Variants in NFRKB observed in about 807,000 individuals in gnomAD.
NFRKB encodes the protein nuclear factor related to kappaB binding protein, also known as nuclear factor related to kappa-B-binding protein.
NFRKB carries 62 observed loss-of-function variants against 135.7 expected under a neutral mutation model. The observed-to-expected ratio is 0.46, with a 90% CI of 0.37 to 0.56. The LOEUF (loss-of-function observed/expected upper bound fraction) is 0.56. NFRKB is among the 20% of genes least tolerant of loss of function. NFRKB has a pLI of 0.00. For missense variants in NFRKB, 1,545 were observed against 1,662.0 expected (o/e 0.93, Z 1.22); for synonymous variants, 678 against 635.6 (o/e 1.07, Z -1.00).
rs1231998534 is a variant in NFRKB, at chr11:129,881,269, C to G, written c.1384+174G>C. On this transcript the variant is annotated intron_variant, in intron 13 of 26. Coordinates refer to ENST00000682444, the MANE Select transcript of NFRKB (RefSeq NM_001143835.2). Reference sequence around the variant, plus strand: ...TGGTCCAACCAGAGGAGTTAGTTAACCCACCTTGAGAGTACAAAAAGGGTG... The same window carrying G: ...TGGTCCAACCAGAGGAGTTAGTTAAGCCACCTTGAGAGTACAAAAAGGGTG... Among the ~76,000 whole-genome samples, 3 of 152,166 alleles carry G rather than the reference C, an allele frequency of 2.0e-5. No homozygotes were observed. The East Asian group carries it at 5.8e-4, about 29-fold the overall frequency.
intron 2 of NFRKB, 120 bp from the exon 3 acceptor site, chr11:129,892,990 C>G: frequency 6.5e-7 from 1 of 1,546,336 alleles, no homozygotes; most frequent in Non-Finnish European, 8.7e-7. Context: ...ATCCTTGCAC[C>G]CTAATTACAG....
chr11:129,885,325 CAA>C, intron 6 of NFRKB, 108 bp downstream of exon 6: 1 of 1,288,016 alleles, frequency 7.8e-7, no homozygotes, highest in African/African-American at 1.5e-5. Flanking sequence ...CCAGACAACT[CAA>C]GAGGGTTTCT....
chr11:129,878,220 T>C (rs1182024887), intron 15 of NFRKB, 89 bp downstream of exon 15: 8 of 1,395,950 alleles, frequency 5.7e-6, no homozygotes, highest in Non-Finnish European at 8.0e-6. Flanking sequence ...ATTACAGCTC[T>C]AGCATACCAA....
rs778718392 is a variant in NFRKB, at chr11:129,881,431, C to A, written c.1384+12G>T. ...CGAAAACCTGTTGGGGTAGGTAATA[C>A]GGATCACTTACCAAGCAACTTCCAC... On this transcript the variant is annotated intron_variant, in intron 13 of 26. Transcript: ENST00000682444. 1.2e-6 allele frequency: 2 copies of A among 1,613,558 alleles called. No individual in the cohort carries two copies. Among genetic ancestry groups the A allele is most frequent in the Non-Finnish European group, 8.5e-7 (1 of 1,179,554 alleles).
rs1949048887 is a variant in NFRKB, at chr11:129,881,964, A to C, written c.1192-111T>G. The C allele has an allele frequency of 4.0e-6, 6 of 1,491,904 alleles. No homozygotes were observed. In the Admixed American group the frequency reaches 6.9e-5, roughly 17 times the overall value. 92.4% of individuals were successfully genotyped at this position (1,491,904 alleles called of 1,614,324 possible). A position where few individuals can be genotyped will look rare whatever the true frequency, so the allele number is the denominator to read the frequency against. On this transcript the variant is annotated intron_variant, in intron 11 of 26. Transcript: ENST00000682444. ...TGCATCCGGTGTTTGTCCGAATCAC[A>C]AAGCAAGTTAACTACAGAGCGTTGA...
chr11:129,887,995 C>A (rs1463077076), intron 4 of NFRKB, among the ~76,000 whole-genome samples: 1 of 152,152 alleles, frequency 6.6e-6, no homozygotes, highest in East Asian at 1.9e-4. Context: ...TGAGATTGCG[C>A]CACTGCACTC....
rs548580516 is a variant in NFRKB, at chr11:129,883,171, G to T, written c.852C>A (p.Leu284=). ...HPDLLTGDLT[L]NDIMTRVNAG... ...CATTTACTCGAGTCATGATGTCATT[G>T]AGAGTCAGGTCCCCTGTCAAAAGGT... The change falls in exon 9 of 27, where the codon CTC becomes CTA. Residue 284 remains leucine (L), a synonymous_variant. Transcript: ENST00000682444. 4.3e-6 allele frequency: 7 copies of T among 1,614,096 alleles called. No homozygotes were observed. Among genetic ancestry groups the T allele is most frequent in the Non-Finnish European group, 5.9e-6 (7 of 1,180,006 alleles).
rs766346186 is a variant in NFRKB at position 129,874,492 on chromosome 11, G to A, written c.2058+9C>T. 1.2e-6 allele frequency: 2 copies of A among 1,612,548 alleles called. No homozygotes were observed. The highest frequency in any genetic ancestry group is 1.3e-5 in the African/African-American group (1 of 74,778). The stretch of plus-strand genomic sequence containing the variant: ...TCCCTAGGGCAGACACTCTCCTGAA[G>A]TCACTTACCACCTTGGATGGGGGCT... On this transcript the variant is annotated intron_variant, in intron 20 of 26. Transcript: ENST00000682444. This position sits in a 1 kb window ranked among gnomAD's most constrained non-coding sequence, Gnocchi z 4.5.
intron 13 of NFRKB, among the ~76,000 whole-genome samples, chr11:129,879,714 G>C (rs1302885362): frequency 3.7e-4 from 57 of 152,098 alleles, no homozygotes; most frequent in Non-Finnish European, 1.3e-4. Context: ...CTGCCGTGAA[G>C]AGCCCTCCTC....
At chr11:129,884,477 G>A (rs143272743) in intron 7 of NFRKB, among the ~76,000 whole-genome samples, 44 of 152,184 alleles carry the variant, frequency 2.9e-4, no homozygotes, top group African/African-American at 9.9e-4. Flanking sequence ...CTGCCCCTTC[G>A]TACTACTGTT....
At chr11:129,876,122 A>G (rs1038152465) in intron 17 of NFRKB, among the ~76,000 whole-genome samples, 10 of 152,216 alleles carry the variant, frequency 6.6e-5, no homozygotes, top group African/African-American at 2.4e-4. Flanking sequence ...GGTGTAATAG[A>G]AATCAGACAT....
At position 129,874,447 on chromosome 11, in the gene NFRKB, T is replaced by A; in HGVS notation, c.2058+54A>T. On this transcript the variant is annotated intron_variant, in intron 20 of 26. Coordinates refer to ENST00000682444, the MANE Select transcript of NFRKB (RefSeq NM_001143835.2). This position sits in a 1 kb window ranked among gnomAD's most constrained non-coding sequence, Gnocchi z 4.5. ...CAAGTGAAAGCCGAGCAGCCACTCT[T>A]AGTTGCCTCCATCCCAGAATCCCTA... The A allele has an allele frequency of 6.3e-7, 1 of 1,584,482 alleles. No homozygotes were observed. The highest frequency in any genetic ancestry group is 1.2e-5 in the South Asian group (1 of 85,698).
intron 9 of NFRKB, 92 bp from the exon 10 acceptor site, chr11:129,882,723 C>T: frequency 1.6e-6 from 2 of 1,289,354 alleles, no homozygotes; most frequent in Non-Finnish European, 2.1e-6. Context: ...CCAAGGCCCA[C>T]CAAAGACAGA....
intron 4 of NFRKB, 128 bp downstream of exon 4, chr11:129,888,466 C>T (rs1223100018): frequency 1.0e-6 from 1 of 968,738 alleles, no homozygotes; most frequent in African/African-American, 1.6e-5. Context: ...TTACACAAAA[C>T]CGCTCTTTGC....
Position 129,882,193 on chromosome 11 carries a change from G to A in NFRKB, c.1084C>T (p.Pro362Ser), listed in dbSNP as rs1252551897. The A allele has an allele frequency of 6.3e-7, 1 of 1,596,560 alleles. No homozygotes were observed. The highest frequency in any genetic ancestry group is 2.2e-5 in the East Asian group (1 of 44,830). Residue 362 changes from proline to serine, a missense_variant and splice_region_variant, in exon 11 of 27, where the codon CCC (proline) becomes TCC (serine). Physicochemically the swap from Pro to Ser is moderately conservative, Grantham distance 74. Around this residue, in one of 3 missense-constraint regions of NFRKB, gnomAD observed 678 missense variants for 646.7 expected, o/e 1.05. Coordinates refer to ENST00000682444, the MANE Select transcript of NFRKB (RefSeq NM_001143835.2). ...AGGCAAGGCTTGAGGTCTTCAAGGG[G>A]CCTAATGAGGGAAGAAAAATATAAG... The part of the protein sequence containing the change: ...PLAIPAIKEE[P>S]LEDLKPCLGI...
intron 13 of NFRKB, 21 bp from the exon 14 acceptor site, chr11:129,878,564 T>C: frequency 6.3e-6 from 10 of 1,591,584 alleles, no homozygotes; most frequent in Non-Finnish European, 2.6e-6. Context: ...AATAAAGAGA[T>C]AAAAAAATAA....
At chr11:129,865,623 T>C (rs1170345172) in intron 25 of NFRKB, among the ~76,000 whole-genome samples, 1 of 152,218 alleles carries the variant, frequency 6.6e-6, no homozygotes, top group African/African-American at 2.4e-5. Context: ...TCACCACGCA[T>C]GTTGCTTTTT....
intron 16 of NFRKB, 67 bp from the exon 17 acceptor site, chr11:129,876,962 C>T: frequency 7.1e-7 from 1 of 1,408,006 alleles, no homozygotes; most frequent in African/African-American, 1.4e-5. Context: ...GGCTTCCTTA[C>T]AATATAAGCA....
At chr11:129,893,044 G>A in intron 2 of NFRKB, 174 bp from the exon 3 acceptor site, 1 of 1,437,676 alleles carries the variant, frequency 7.0e-7, no homozygotes, top group Non-Finnish European at 9.1e-7. Flanking sequence ...CATTCCCACT[G>A]GAATTTTCAA....
Sources: allele counts gnomAD v4.1 joint callset (sites outside exome capture counted in the v4.1 genomes callset), GRCh38; gene constraint gnomAD v4.1.1; regional missense constraint gnomAD v4.1.1; non-coding constraint Gnocchi (gnomAD v3.1); transcripts MANE v1.5; gene names NCBI Gene and HGNC (gene_info 2026-07-23, HGNC 2026-07-21).